The following CPVL variants were observed in gnomAD, a reference collection of about 807,000 sequenced individuals.
CPVL encodes probable serine carboxypeptidase CPVL.
In CPVL, 51 loss-of-function variants were observed where a neutral mutation model predicts 63.7. The observed-to-expected ratio is 0.80, with a 90% confidence interval of 0.64 to 1.01. The LOEUF (loss-of-function observed/expected upper bound fraction) is 1.01, where lower values mean the gene tolerates loss of function less well. Among genes scored for constraint, CPVL ranks in the 50% least tolerant of loss-of-function variants. The pLI is 0.00. For synonymous variants in CPVL, 195 were observed against 206.0 expected, an observed-to-expected ratio of 0.95 and a Z score of 0.46; for missense variants, 530 against 573.1, an observed-to-expected ratio of 0.92 and a Z score of 0.77.
rs1362989711 is a variant in CPVL, at chr7:29,089,807, C to T, written c.542+2816G>A. Among the ~76,000 whole-genome samples the T allele has an allele frequency of 2.6e-5, 4 of 152,088 alleles. No homozygotes were observed. In the East Asian group the frequency reaches 7.7e-4, roughly 29 times the overall value. On this transcript the variant is annotated intron_variant, in intron 6 of 12. Coordinates refer to ENST00000265394, the MANE Select transcript of CPVL (RefSeq NM_031311.5). ...TGCAGGAGCAGACACGGAGTTGTAA[C>T]ACTGCCCCTTCAATAAAGCTATTTT...
chr7:29,125,190 T>C (rs1317004665), intron 1 of CPVL: 1 of 152,140 alleles, frequency 6.6e-6, no homozygotes, highest in Non-Finnish European at 1.5e-5. Context: ...AAGCAAATAT[T>C]ATTGAATTGA....
Position 29,146,452 on chromosome 7 carries a change from T to A in CPVL, c.-34A>T, listed in dbSNP as rs571012210. On this transcript the variant is annotated 5_prime_UTR_variant, in exon 1 of 13. Coordinates refer to ENST00000265394, the MANE Select transcript of CPVL (RefSeq NM_031311.5). ...ACGCGGCGCAGTCGGTGCTCCTCCC[T>A]GAGCCGCGGCGCGCAAGGACCCCAG... 824 of 1,372,074 alleles carry A rather than the reference T, an allele frequency of 6.0e-4. 1 individual carries two copies. In the African/African-American group the frequency reaches 0.011, roughly 19 times the overall value. The allele number at this position is 1,372,074 out of a possible 1,614,324, so 85.0% of individuals were successfully genotyped here.
At chr7:29,099,232 G>A (rs1436870357) in intron 3 of CPVL, among the ~76,000 whole-genome samples, 1 of 149,496 alleles carries the variant, frequency 6.7e-6, no homozygotes, top group East Asian at 2.0e-4. Flanking sequence ...ATAATCACGA[G>A]GAATTTGTAG....
At chr7:29,066,461 CAT>C (rs1431488685) in intron 9 of CPVL, among the ~76,000 whole-genome samples, 1 of 152,158 alleles carries the variant, frequency 6.6e-6, no homozygotes, top group Non-Finnish European at 1.5e-5. Flanking sequence ...TAGGAAGTGT[CAT>C]GTGTGTGCAT....
At chr7:29,146,580 T>C, upstream of CPVL, 1 of 1,548,600 alleles carries the variant, frequency 6.5e-7, no homozygotes. Flanking sequence ...TCCTCTAGGC[T>C]CACATGACCC....
intron 6 of CPVL, among the ~76,000 whole-genome samples, chr7:29,088,921 G>A (rs957958097): frequency 2.6e-5 from 4 of 152,288 alleles, no homozygotes; most frequent in Middle Eastern, 6.8e-3. Context: ...GTGGCAGTGA[G>A]CCGAGATCAC....
chr7:29,096,959 T>TG (rs2128611780), intron 3 of CPVL, among the ~76,000 whole-genome samples: 1 of 123,800 alleles, frequency 8.1e-6, no homozygotes, highest in East Asian at 2.4e-4. Flanking sequence ...CACTCCAGCC[T>TG]GGGTGACAGA....
rs536722055 is a variant in CPVL at position 29,084,154 on chromosome 7, C to G, written c.609+2330G>C. Among the ~76,000 whole-genome samples the G allele has an allele frequency of 6.6e-5, 10 of 152,196 alleles. No homozygotes were observed. The South Asian group carries it at 2.1e-3, about 32-fold the overall frequency. On this transcript the variant is annotated intron_variant, in intron 7 of 12. Coordinates refer to ENST00000265394, the MANE Select transcript of CPVL (RefSeq NM_031311.5). ...AATGTTCTTTCAGTGAACACTGGAC[C>G]CTCAATGGTTTCCCATTACCGTTAG...
intron 5 of CPVL, among the ~76,000 whole-genome samples, chr7:29,157,360 G>A (rs1450986613): frequency 2.6e-5 from 4 of 152,030 alleles, no homozygotes; most frequent in Admixed American, 2.6e-4. Flanking sequence ...GCTGGTTTAG[G>A]GCACTACATA....
At chr7:29,047,766 GAA>G (rs1426984936) in intron 11 of CPVL, among the ~76,000 whole-genome samples, 1 of 152,112 alleles carries the variant, frequency 6.6e-6, no homozygotes, top group Non-Finnish European at 1.5e-5. Flanking sequence ...TAAGACGAAA[GAA>G]AGAATCTTAA....
chr7:29,159,086 G>C (rs1300724919), intron 5 of CPVL, among the ~76,000 whole-genome samples: 1 of 152,162 alleles, frequency 6.6e-6, no homozygotes, highest in South Asian at 2.1e-4. Flanking sequence ...TCATTAGGTG[G>C]CTCTTCAGTG....
At chr7:29,090,248 T>TA (rs11388349) in intron 6 of CPVL, among the ~76,000 whole-genome samples, 56,136 of 152,046 alleles carry the variant, frequency 0.37, 12,110 homozygotes, top group Non-Finnish European at 0.47. Context: ...ACTGGACCGA[T>TA]ACAAGCTCAG....
At chr7:29,131,654 C>T (rs6968782) in intron 1 of CPVL, among the ~76,000 whole-genome samples, 20,494 of 152,158 alleles carry the variant, frequency 0.13, 1,382 homozygotes, top group African/African-American at 0.15. Context: ...CTGGGACCAC[C>T]GGTGCATGCC....
chr7:29,044,589 G>A lies in CPVL; in HGVS notation c.1138-13830C>T, dbSNP rs576108207. On this transcript the variant is annotated intron_variant, in intron 11 of 12. Coordinates refer to ENST00000265394, the MANE Select transcript of CPVL (RefSeq NM_031311.5). ...CCCAGTCTTTTAAAACATCTACGTC[G>A]ACTTTTTACATCTCCTATTATACTA... 7.8e-4 allele frequency among the ~76,000 whole-genome samples: 119 copies of A among 152,130 alleles called. 2 individuals carry two copies. The South Asian group carries it at 0.011, about 14-fold the overall frequency.
intron 12 of CPVL, among the ~76,000 whole-genome samples, chr7:29,000,493 C>G (rs1022485321): frequency 1.3e-5 from 2 of 151,876 alleles, no homozygotes; most frequent in African/African-American, 4.8e-5. Context: ...GAGGGATCAC[C>G]GCAGACAAAG....
intron 12 of CPVL, among the ~76,000 whole-genome samples, chr7:29,001,708 A>C (rs1218219248): frequency 2.0e-5 from 3 of 152,184 alleles, no homozygotes; most frequent in Non-Finnish European, 2.9e-5. Flanking sequence ...TATTGAATAG[A>C]ATGAGAAAAG....
At chr7:28,996,225 G>A (rs1784045061) in intron 12 of CPVL, 1 of 189,726 alleles carries the variant, frequency 5.3e-6, no homozygotes, top group African/African-American at 2.4e-5. Flanking sequence ...ACCTGGTGAG[G>A]CCCACCTCCA....
At chr7:29,094,143 C>A (rs2128608102) in intron 5 of CPVL, among the ~76,000 whole-genome samples, 1 of 152,206 alleles carries the variant, frequency 6.6e-6, no homozygotes, top group East Asian at 1.9e-4. Context: ...GAGTTCAAGA[C>A]CAGCCTGGCC....
intron 11 of CPVL, among the ~76,000 whole-genome samples, chr7:29,059,147 T>A (rs979289067): frequency 1.3e-5 from 2 of 152,146 alleles, no homozygotes; most frequent in African/African-American, 4.8e-5. Flanking sequence ...ATTTATTACA[T>A]CCTCATGCTA....
Sources: gnomAD v4.1 joint callset for allele counts (sites outside exome capture counted in the v4.1 genomes callset) on GRCh38, gnomAD v4.1.1 for gene constraint, MANE v1.5 for transcripts, NCBI Gene and HGNC (gene_info 2026-07-23, HGNC 2026-07-21) for gene names.